KCNQ5: variants seen among roughly 807,000 people sequenced by gnomAD.
KCNQ5 encodes the protein potassium voltage-gated channel subfamily KQT member 5.
KCNQ5 carries 30 observed loss-of-function variants against 98.2 expected under a neutral mutation model. The ratio of observed to expected loss-of-function variants is 0.31; its 90% CI spans 0.23 to 0.41. The LOEUF is 0.41. KCNQ5 is among the 10% of genes least tolerant of loss of function. KCNQ5 has a pLI of 1.00. For synonymous variants in KCNQ5, 458 were observed against 449.4 expected (o/e 1.02, Z -0.24); for missense variants, 835 against 1,182.5 (o/e 0.71, Z 4.31).
At chr6:72,670,707 G>A (rs558687918) in intron 1 of KCNQ5, among the ~76,000 whole-genome samples, 9 of 152,322 alleles carry the variant, frequency 5.9e-5, no homozygotes, top group African/African-American at 2.2e-4. Flanking sequence ...ACACCTTCTT[G>A]CTGTGTGCTC....
intron 1 of KCNQ5, among the ~76,000 whole-genome samples, chr6:72,827,631 C>A (rs1173133740): frequency 1.3e-5 from 2 of 152,040 alleles, no homozygotes; most frequent in Non-Finnish European, 2.9e-5. Context: ...AGATATTAAT[C>A]CCCTATTGAA....
intron 1 of KCNQ5, among the ~76,000 whole-genome samples, chr6:72,825,388 A>G (rs1266431751): frequency 6.6e-6 from 1 of 152,118 alleles, no homozygotes; most frequent in Non-Finnish European, 1.5e-5. Context: ...AAGATCCTTG[A>G]AAGTAAGTAT....
At chr6:72,866,056 C>T (rs1469956712) in intron 1 of KCNQ5, among the ~76,000 whole-genome samples, 1 of 151,974 alleles carries the variant, frequency 6.6e-6, no homozygotes, top group African/African-American at 2.4e-5. Flanking sequence ...TGTTATTAAA[C>T]CCATTTTTTA....
chr6:72,810,417 G>T (rs139206870), intron 1 of KCNQ5, among the ~76,000 whole-genome samples: 104 of 152,312 alleles, frequency 6.8e-4, no homozygotes, highest in African/African-American at 2.4e-3. Context: ...AATTCATGTG[G>T]TATGTTGCTG....
At chr6:73,150,569 T>G (rs1777109544) in intron 10 of KCNQ5, among the ~76,000 whole-genome samples, 1 of 149,202 alleles carries the variant, frequency 6.7e-6, no homozygotes. Context: ...TTCCGTAGCA[T>G]GTATGTGCCA....
intron 1 of KCNQ5, among the ~76,000 whole-genome samples, chr6:72,744,450 T>A (rs549870194): frequency 2.6e-5 from 4 of 152,172 alleles, no homozygotes; most frequent in African/African-American, 9.7e-5. Context: ...AATACTTTTT[T>A]CACAATATAT....
At chr6:72,781,210 T>C (rs1045631825) in intron 1 of KCNQ5, among the ~76,000 whole-genome samples, 5 of 152,056 alleles carry the variant, frequency 3.3e-5, no homozygotes, top group African/African-American at 4.8e-5. Flanking sequence ...AAGACAGAGA[T>C]TGGGATGATG....
chr6:72,852,640 A>AATATATATATATAT (rs140435793), intron 1 of KCNQ5, among the ~76,000 whole-genome samples: 5,949 of 56,480 alleles, frequency 0.11, 1,051 homozygotes, highest in East Asian at 0.22. Context: ...ATGAAGGGGA[A>AATATATATATATAT]ATATATATAT....
At chr6:73,128,634 T>C (rs562836034) in intron 9 of KCNQ5, among the ~76,000 whole-genome samples, 11 of 152,376 alleles carry the variant, frequency 7.2e-5, no homozygotes, top group African/African-American at 2.6e-4. Context: ...AGATTATCTA[T>C]ACATCTTGCT....
At chr6:73,150,604 T>C (rs1057461197) in intron 10 of KCNQ5, among the ~76,000 whole-genome samples, 2 of 150,398 alleles carry the variant, frequency 1.3e-5, no homozygotes, top group African/African-American at 4.9e-5. Flanking sequence ...TTTTGTCTAT[T>C]GAAAAGTTTA....
intron 5 of KCNQ5, among the ~76,000 whole-genome samples, chr6:73,085,915 A>C (rs1773971474): frequency 6.6e-6 from 1 of 152,192 alleles, no homozygotes. Context: ...AAACCATGAA[A>C]GTTCTTCTTC....
chr6:72,876,885 A>G (rs1482945815), intron 1 of KCNQ5, among the ~76,000 whole-genome samples: 1 of 152,158 alleles, frequency 6.6e-6, no homozygotes, highest in East Asian at 1.9e-4. Context: ...AGACTAAAAC[A>G]CAGGAACCTG....
chr6:72,670,177 T>G (rs1767029303), intron 1 of KCNQ5, among the ~76,000 whole-genome samples: 1 of 152,210 alleles, frequency 6.6e-6, no homozygotes, highest in Non-Finnish European at 1.5e-5. Flanking sequence ...CCTCTAAGTT[T>G]TAATCAGCTG....
At chr6:73,120,874 A>G (rs1279603242) in intron 8 of KCNQ5, among the ~76,000 whole-genome samples, 1 of 152,322 alleles carries the variant, frequency 6.6e-6, no homozygotes, top group South Asian at 2.1e-4. Context: ...GCCCACCAGC[A>G]TCCTAAAGGT....
intron 1 of KCNQ5, among the ~76,000 whole-genome samples, chr6:72,804,582 T>C (rs930615633): frequency 2.0e-5 from 3 of 152,130 alleles, no homozygotes; most frequent in African/African-American, 7.2e-5. Flanking sequence ...TGGACACAGA[T>C]TGCTTCCAAA....
chr6:72,786,052 T>G lies in KCNQ5; in HGVS notation c.398+163465T>G, dbSNP rs1773723978. Among the ~76,000 whole-genome samples the G allele has an allele frequency of 2.6e-5, 4 of 152,238 alleles. No individual in the cohort carries two copies. In the South Asian group the frequency reaches 8.3e-4, roughly 31 times the overall value. ...AGGTAAAATTAATTTTAATAATAGATTTGATTTAAACCAGTATATGCAAAA... is the reference window on the plus strand; with the variant it reads ...AGGTAAAATTAATTTTAATAATAGAGTTGATTTAAACCAGTATATGCAAAA... On this transcript the variant is annotated intron_variant, in intron 1 of 13. Coordinates refer to ENST00000370398, the MANE Select transcript of KCNQ5 (RefSeq NM_019842.4).
intron 3 of KCNQ5, among the ~76,000 whole-genome samples, chr6:73,048,021 T>C (rs1406033735): frequency 1.3e-5 from 2 of 152,240 alleles, no homozygotes; most frequent in African/African-American, 4.8e-5. Context: ...CCAAGCATGC[T>C]TATGGATGCT....
At chr6:72,962,234 T>C (rs1053465618) in intron 1 of KCNQ5, among the ~76,000 whole-genome samples, 7 of 145,324 alleles carry the variant, frequency 4.8e-5, no homozygotes, top group African/African-American at 1.5e-4. Context: ...TATATATATA[T>C]ATACACATAT....
intron 1 of KCNQ5, among the ~76,000 whole-genome samples, chr6:72,927,799 G>T (rs947920932): frequency 6.6e-6 from 1 of 151,956 alleles, no homozygotes; most frequent in Non-Finnish European, 1.5e-5. Context: ...TAAATTTGCA[G>T]TCATTTATAG....
Sources: gnomAD v4.1 joint callset for allele counts (sites outside exome capture counted in the v4.1 genomes callset) on GRCh38, gnomAD v4.1.1 for gene constraint, MANE v1.5 for transcripts, NCBI Gene and HGNC (gene_info 2026-07-23, HGNC 2026-07-21) for gene names.